The following TMEM154 variants were observed in gnomAD, a reference collection of about 807,000 sequenced individuals.
TMEM154 encodes transmembrane protein 154.
A neutral mutation model predicts 24.5 loss-of-function variants in TMEM154; 27 were observed. The observed-to-expected ratio is 1.10, with a 90% CI of 0.81 to 1.52. The LOEUF is 1.52. Among genes scored for constraint, TMEM154 ranks in the 40% most tolerant of loss-of-function variants. The probability of loss-of-function intolerance (pLI) is 0.00; values close to 1 mark genes in which losing one functional copy is unlikely to be tolerated. For missense variants in TMEM154, 228 were observed against 213.4 expected, an observed-to-expected ratio of 1.07 and a Z score of -0.43; for synonymous variants, 67 against 76.8, an observed-to-expected ratio of 0.87 and a Z score of 0.67.
intron 1 of TMEM154, among the ~76,000 whole-genome samples, chr4:152,678,391 G>T (rs1728989152): frequency 6.6e-6 from 1 of 152,116 alleles, no homozygotes; most frequent in African/African-American, 2.4e-5. Flanking sequence ...TTAGTATTAA[G>T]GGAGTGTTTG....
rs1266830155 is a variant in TMEM154 at position 152,621,299 on chromosome 4, T to C, written c.*7247A>G. 2.0e-5 allele frequency: 3 copies of C among 152,236 alleles called. No individual in the cohort carries two copies. The highest frequency in any genetic ancestry group is 4.8e-5 in the African/African-American group (2 of 41,460). 9.4% of individuals were successfully genotyped at this position (152,236 alleles called of 1,614,324 possible). On this transcript the variant is annotated 3_prime_UTR_variant, in exon 7 of 7. Coordinates refer to ENST00000304385, the MANE Select transcript of TMEM154 (RefSeq NM_152680.3). ...ACACAGGAAAGAAGCCCTGTACTAA[T>C]GAAGGTGGGGAAGAGTTAGAAGGAA...
rs376105402 is a variant in TMEM154, at chr4:152,640,890, G to A, written c.536+38C>T. The A allele has an allele frequency of 6.9e-5, 48 of 699,824 alleles. 1 individual carries two copies. Among genetic ancestry groups the A allele is most frequent in the Middle Eastern group, 2.6e-4 (1 of 3,886 alleles). The allele number at this position is 699,824 out of a possible 1,614,324, so 43.4% of individuals were successfully genotyped here. A position where few individuals can be genotyped will look rare whatever the true frequency, so the allele number is the denominator to read the frequency against. ...CTGGTTCCCAATCCCCCCGCCCCCC[G>A]CCATATACATGTAATCTGTGGTAGA... On this transcript the variant is annotated intron_variant, in intron 6 of 6. Transcript: ENST00000304385.
chr4:152,637,916 T>C (rs1390807684), intron 6 of TMEM154, among the ~76,000 whole-genome samples: 1 of 152,216 alleles, frequency 6.6e-6, no homozygotes, highest in East Asian at 1.9e-4. Context: ...CATAAAATTA[T>C]GACAGAAAAG....
intron 4 of TMEM154, 75 bp from the exon 5 acceptor site, chr4:152,643,248 A>T: frequency 8.9e-7 from 1 of 1,126,718 alleles, no homozygotes; most frequent in South Asian, 1.3e-5. Flanking sequence ...AGAGACTAGA[A>T]TGCTGATCCT....
At chr4:152,664,392 G>T (rs1728676791) in intron 1 of TMEM154, among the ~76,000 whole-genome samples, 1 of 152,006 alleles carries the variant, frequency 6.6e-6, no homozygotes, top group Admixed American at 6.6e-5. Flanking sequence ...GGGTACAAGG[G>T]GAGGGAGAGC....
intron 6 of TMEM154, among the ~76,000 whole-genome samples, chr4:152,634,902 G>T (rs1752118728): frequency 6.6e-6 from 1 of 151,934 alleles, no homozygotes; most frequent in Admixed American, 6.6e-5. Context: ...CTTATGATGG[G>T]GCTATCTCTA....
chr4:152,666,283 T>C (rs576645246), intron 1 of TMEM154: 1 of 152,244 alleles, frequency 6.6e-6, no homozygotes, highest in Non-Finnish European at 1.5e-5. Context: ...TATTTGAGAC[T>C]ATCTGGGGGC....
rs916870985 is a variant in TMEM154 at position 152,655,385 on chromosome 4, G to A, written c.65-2458C>T. Among the ~76,000 whole-genome samples, 5 of 152,210 alleles carry A rather than the reference G, an allele frequency of 3.3e-5. No homozygotes were observed. The East Asian group carries it at 9.6e-4, about 29-fold the overall frequency. On this transcript the variant is annotated intron_variant, in intron 1 of 6. Coordinates refer to ENST00000304385, the MANE Select transcript of TMEM154 (RefSeq NM_152680.3). ...AGGCCCTGAGACTAACACTGAGAGCGCCTGTACACTGTGCAATGGCATTGC... is the reference window on the plus strand; with the variant it reads ...AGGCCCTGAGACTAACACTGAGAGCACCTGTACACTGTGCAATGGCATTGC...
At position 152,626,001 on chromosome 4, in the gene TMEM154, G is replaced by A. The variant is rs1561041435; in HGVS notation, c.*2545C>T. On this transcript the variant is annotated 3_prime_UTR_variant, in exon 7 of 7. Coordinates refer to ENST00000304385, the MANE Select transcript of TMEM154 (RefSeq NM_152680.3). ...CTCATCTTTATCACATTTGTTTGAT[G>A]TGGGTTATCCAGGAGCCACCTACAT... is the stretch of plus-strand genomic sequence containing the variant. 1 of 152,400 alleles carries A rather than the reference G, an allele frequency of 6.6e-6. No homozygotes were observed. Among genetic ancestry groups the A allele is most frequent in the East Asian group, 1.9e-4 (1 of 5,188 alleles). The allele number at this position is 152,400 out of a possible 1,614,324, so 9.4% of individuals were successfully genotyped here. A position where few individuals can be genotyped will look rare whatever the true frequency, so the allele number is the denominator to read the frequency against.
At chr4:152,645,972 CACACACA>C (rs1752363605) in intron 3 of TMEM154, among the ~76,000 whole-genome samples, 1 of 148,478 alleles carries the variant, frequency 6.7e-6, no homozygotes, top group African/African-American at 2.5e-5. Flanking sequence ...CACACACACA[CACACACA>C]GACACCACAA....
At chr4:152,638,992 C>G (rs1246969690) in intron 6 of TMEM154, among the ~76,000 whole-genome samples, 1 of 152,086 alleles carries the variant, frequency 6.6e-6, no homozygotes. Flanking sequence ...CTCTTGTTGC[C>G]TAGGCTGGAG....
At chr4:152,669,635 T>A (rs1263103890) in intron 1 of TMEM154, 1 of 152,190 alleles carries the variant, frequency 6.6e-6, no homozygotes, top group Non-Finnish European at 1.5e-5. Flanking sequence ...CAAGTATAAG[T>A]CTTAGAAAAG....
Position 152,628,475 on chromosome 4 carries a change from TC to T in TMEM154, c.*70del. 6.3e-7 allele frequency: 1 copy of T among 1,597,054 alleles called. No homozygotes were observed. Among genetic ancestry groups the T allele is most frequent in the Non-Finnish European group, 8.5e-7 (1 of 1,170,676 alleles). On this transcript the variant is annotated 3_prime_UTR_variant, in exon 7 of 7. Transcript: ENST00000304385. The stretch of plus-strand genomic sequence containing the variant: ...ATTAATTAAATTTGTATCCTCTTCA[TC>T]CTCTGTTGGCAGCCTCAGCAGACTC...
Position 152,652,943 on chromosome 4 carries a change from C to G in TMEM154, c.65-16G>C, listed in dbSNP as rs763873980. 1.8e-5 allele frequency: 28 copies of G among 1,566,150 alleles called. No homozygotes were observed. In the Middle Eastern group the frequency reaches 7.4e-4, roughly 41 times the overall value. ...TCATAATTACCTGTGGGAATAGATA[C>G]AAAATTGAAATTTCCATGGAGACAA... On this transcript the variant is annotated splice_polypyrimidine_tract_variant and intron_variant, in intron 1 of 6. Transcript: ENST00000304385.
rs1335493789 is a variant in TMEM154 at position 152,621,628 on chromosome 4, C to A, written c.*6918G>T. On this transcript the variant is annotated 3_prime_UTR_variant, in exon 7 of 7. Coordinates refer to ENST00000304385, the MANE Select transcript of TMEM154 (RefSeq NM_152680.3). ...TTGTTTGTCAATAATACTGACTGGT[C>A]TTTGTGAGCCGAAAGAATAAATCCT... 2.6e-5 allele frequency: 4 copies of A among 152,132 alleles called. No individual in the cohort carries two copies. Among genetic ancestry groups the A allele is most frequent in the African/African-American group, 9.7e-5 (4 of 41,422 alleles). 9.4% of individuals were successfully genotyped at this position (152,132 alleles called of 1,614,324 possible).
chr4:152,620,621 T>C lies in TMEM154; in HGVS notation c.*7925A>G, dbSNP rs11729272. The C allele has an allele frequency of 0.86, 131,335 of 152,182 alleles. 57,756 individuals are homozygous for C. Among genetic ancestry groups the C allele is most frequent in the South Asian group, 0.94 (4,512 of 4,820 alleles). 9.4% of individuals were successfully genotyped at this position (152,182 alleles called of 1,614,324 possible). A position where few individuals can be genotyped will look rare whatever the true frequency, so the allele number is the denominator to read the frequency against. On this transcript the variant is annotated 3_prime_UTR_variant, in exon 7 of 7. Transcript: ENST00000304385. ...TTCAAGTGATTCTCCTGCCTCAGCC[T>C]CCTGAGTAGCTGGGATTACAGGTAC...
intron 3 of TMEM154, chr4:152,647,252 C>T: frequency 1.0e-6 from 1 of 985,186 alleles, no homozygotes; most frequent in Non-Finnish European, 1.2e-6. Flanking sequence ...GGTGTCCATG[C>T]TCTCCTATAA....
At chr4:152,664,815 A>T (rs1728683514) in intron 1 of TMEM154, among the ~76,000 whole-genome samples, 1 of 152,212 alleles carries the variant, frequency 6.6e-6, no homozygotes, top group Admixed American at 6.5e-5. Context: ...GAAAGAAAAC[A>T]TGTCAGATGT....
chr4:152,637,209 G>T (rs1012120614), intron 6 of TMEM154, among the ~76,000 whole-genome samples: 9 of 152,162 alleles, frequency 5.9e-5, no homozygotes, highest in African/African-American at 1.2e-4. Flanking sequence ...AAGAACAATT[G>T]CCACTGCATA....
Sources: allele counts gnomAD v4.1 joint callset (sites outside exome capture counted in the v4.1 genomes callset), GRCh38; gene constraint gnomAD v4.1.1; transcripts MANE v1.5; gene names NCBI Gene and HGNC (gene_info 2026-07-23, HGNC 2026-07-21).